Variants in KAZN observed in about 807,000 individuals in gnomAD.
KAZN encodes the protein kazrin, periplakin interacting protein.
A neutral mutation model predicts 87.4 loss-of-function variants in KAZN; 40 were observed. The observed-to-expected ratio is 0.46, with a 90% CI of 0.36 to 0.60. The LOEUF is 0.60. Among genes scored for constraint, KAZN ranks in the 20% least tolerant of loss-of-function variants. The pLI is 0.00. For synonymous variants in KAZN, 466 were observed against 458.3 expected (o/e 1.02, Z -0.22); for missense variants, 898 against 1,073.9 (o/e 0.84, Z 2.29).
intron 2 of KAZN, among the ~76,000 whole-genome samples, chr1:14,524,023 TTTTG>T (rs1671729745): frequency 2.0e-5 from 3 of 149,478 alleles, no homozygotes; most frequent in African/African-American, 4.9e-5. Flanking sequence ...TTTTGTTTTG[TTTTG>T]TTTTGTTTTT....
intron 1 of KAZN, among the ~76,000 whole-genome samples, chr1:14,624,266 C>T (rs908915428): frequency 2.6e-5 from 4 of 151,966 alleles, no homozygotes; most frequent in Non-Finnish European, 5.9e-5. Context: ...ACTAAAAATA[C>T]AAAAAATTAG....
At chr1:14,852,967 A>G (rs1225136703) in intron 1 of KAZN, among the ~76,000 whole-genome samples, 1 of 152,120 alleles carries the variant, frequency 6.6e-6, no homozygotes, top group Non-Finnish European at 1.5e-5. Context: ...AAGTTTGAGC[A>G]ACATTTGTTT....
At chr1:14,638,542 C>A (rs1158005176) in intron 1 of KAZN, among the ~76,000 whole-genome samples, 1 of 146,122 alleles carries the variant, frequency 6.8e-6, no homozygotes, top group Non-Finnish European at 1.5e-5. Context: ...GCACTCCAGC[C>A]TGGGCAACAG....
At chr1:14,939,731 A>G (rs1660845216) in intron 1 of KAZN, among the ~76,000 whole-genome samples, 1 of 151,864 alleles carries the variant, frequency 6.6e-6, no homozygotes, top group Non-Finnish European at 1.5e-5. Context: ...ACAGTGACTG[A>G]GCTTTGAGCT....
chr1:14,688,195 A>G (rs1306543915), intron 1 of KAZN, among the ~76,000 whole-genome samples: 23 of 152,252 alleles, frequency 1.5e-4, no homozygotes. Flanking sequence ...ACAGGCTGCC[A>G]TTTCCCAAGT....
intron 10 of KAZN, among the ~76,000 whole-genome samples, chr1:15,098,859 A>G (rs1422828854): frequency 1.3e-5 from 2 of 152,240 alleles, no homozygotes; most frequent in Admixed American, 6.5e-5. Flanking sequence ...AACACTGGTG[A>G]GTGTGAACTC....
At chr1:14,963,069 C>T (rs1019017337) in intron 2 of KAZN, among the ~76,000 whole-genome samples, 65 of 152,280 alleles carry the variant, frequency 4.3e-4, no homozygotes, top group African/African-American at 1.4e-3. Context: ...TCATAATGTA[C>T]ATCCTCCTCC....
rs184197598 is a variant in KAZN, at chr1:15,021,967, A to T, written c.419-12782A>T. Among the ~76,000 whole-genome samples, 45 of 152,280 alleles carry T rather than the reference A, an allele frequency of 3.0e-4. No homozygotes were observed. Among genetic ancestry groups the T allele is most frequent in the Middle Eastern group, 3.4e-3 (1 of 294 alleles). ...GGCAGCAAGATAGAGCATGAGAGCC[A>T]GGGGAAAACCATCAGATCTCGTGAG... On this transcript the variant is annotated intron_variant, in intron 2 of 14. Coordinates refer to ENST00000376030, the MANE Select transcript of KAZN (RefSeq NM_201628.3). This position sits in a 1 kb window ranked among gnomAD's most constrained non-coding sequence, Gnocchi z 4.2.
At chr1:15,059,783 TCA>T (rs1638623743) in intron 5 of KAZN, among the ~76,000 whole-genome samples, 1 of 151,984 alleles carries the variant, frequency 6.6e-6, no homozygotes, top group African/African-American at 2.4e-5. Context: ...GTGAGTAGAG[TCA>T]CAGAGTACTC....
At chr1:14,463,082 C>T (rs2148352744) in intron 2 of KAZN, among the ~76,000 whole-genome samples, 1 of 152,288 alleles carries the variant, frequency 6.6e-6, no homozygotes, top group East Asian at 1.9e-4. Context: ...CTTAAACCCA[C>T]TTTTAATTAC....
intron 2 of KAZN, among the ~76,000 whole-genome samples, chr1:14,962,804 G>A (rs1031561818): frequency 6.6e-6 from 1 of 152,260 alleles, no homozygotes; most frequent in East Asian, 1.9e-4. Context: ...CTGCAAGGAG[G>A]AGAAAAACCT....
rs372391862 is a variant in KAZN, at chr1:14,314,812, C to T, written c.249+134220C>T. Among the ~76,000 whole-genome samples, 27 of 152,204 alleles carry T rather than the reference C, an allele frequency of 1.8e-4. No individual in the cohort carries two copies. In the South Asian group the frequency reaches 5.4e-3, roughly 30 times the overall value. On this transcript the variant is annotated intron_variant, in intron 2 of 16. Transcript: ENST00000636203. Reference sequence around the variant, plus strand: ...ATTACTCCCCAAAAAATGTCAGAATCCATTAGCAGCCACTCCCCATTCTCC... The same window carrying T: ...ATTACTCCCCAAAAAATGTCAGAATTCATTAGCAGCCACTCCCCATTCTCC...
chr1:13,983,544 C>T (rs975148831), intron 1 of KAZN, among the ~76,000 whole-genome samples: 1 of 152,198 alleles, frequency 6.6e-6, no homozygotes, highest in Admixed American at 6.5e-5. Flanking sequence ...TCGGGCCTCT[C>T]CCTCCACACC....
intron 1 of KAZN, among the ~76,000 whole-genome samples, chr1:14,012,104 G>C (rs1182805349): frequency 6.6e-6 from 1 of 152,172 alleles, no homozygotes; most frequent in African/African-American, 2.4e-5. Flanking sequence ...GTAAGTGAGA[G>C]ACCTGACTGT....
intron 4 of KAZN, among the ~76,000 whole-genome samples, chr1:15,047,853 G>A (rs902455411): frequency 2.6e-5 from 4 of 152,176 alleles, no homozygotes; most frequent in African/African-American, 9.6e-5. Context: ...TGCAGCTGGG[G>A]GACGAACATG....
intron 1 of KAZN, among the ~76,000 whole-genome samples, chr1:14,909,231 T>C (rs529514776): frequency 6.6e-6 from 1 of 152,308 alleles, no homozygotes; most frequent in African/African-American, 2.4e-5. Flanking sequence ...ATGAGAGTTA[T>C]TATTCTTACT....
chr1:14,912,596 G>A (rs535218131), intron 1 of KAZN, among the ~76,000 whole-genome samples: 1 of 152,168 alleles, frequency 6.6e-6, no homozygotes, highest in African/African-American at 2.4e-5. Flanking sequence ...GCCCAGGCTG[G>A]TCTCCAACTC....
At chr1:14,334,823 GAGAC>G (rs982288981) in intron 2 of KAZN, among the ~76,000 whole-genome samples, 8 of 152,282 alleles carry the variant, frequency 5.3e-5, no homozygotes, top group South Asian at 2.1e-4. Flanking sequence ...CAGAAGCAGA[GAGAC>G]AGACAGACAC....
intron 1 of KAZN, among the ~76,000 whole-genome samples, chr1:14,000,241 CA>C (rs1160027821): frequency 2.7e-5 from 4 of 149,782 alleles, no homozygotes; most frequent in Admixed American, 6.7e-5. Flanking sequence ...GAAGAGGCAA[CA>C]AAAAAAGAAA....
Sources: gnomAD v4.1 joint callset for allele counts (sites outside exome capture counted in the v4.1 genomes callset) on GRCh38, gnomAD v4.1.1 for gene constraint, Gnocchi (gnomAD v3.1) non-coding constraint, MANE v1.5 for transcripts, NCBI Gene and HGNC (gene_info 2026-07-23, HGNC 2026-07-21) for gene names.